The following AADACL4 variants were observed in gnomAD, a reference collection of about 807,000 sequenced individuals.
AADACL4 encodes the protein arylacetamide deacetylase like 4.
AADACL4 carries 9 observed loss-of-function variants against 14.1 expected under a neutral mutation model. That is an observed-to-expected ratio of 0.64 (90% CI 0.39 to 1.12). AADACL4 has a LOEUF of 1.12. Among genes scored for constraint, AADACL4 ranks in the 50% most tolerant of loss-of-function variants. The probability of loss-of-function intolerance (pLI) is 0.01; values close to 1 mark genes in which losing one functional copy is unlikely to be tolerated. For synonymous variants in AADACL4, 188 were observed against 201.6 expected (o/e 0.93, Z 0.57); for missense variants, 531 against 516.1 (o/e 1.03, Z -0.28).
intron 2 of AADACL4, among the ~76,000 whole-genome samples, chr1:12,658,104 T>TTCCTTCC (rs1647195059): frequency 1.1e-3 from 98 of 90,438 alleles, no homozygotes; most frequent in African/African-American, 5.1e-3. Flanking sequence ...TCTTTCTCTC[T>TTCCTTCC]TTCTTTCCTT....
chr1:12,657,685 T>C (rs1167218411), intron 2 of AADACL4, among the ~76,000 whole-genome samples: 1 of 152,138 alleles, frequency 6.6e-6, no homozygotes, highest in Non-Finnish European at 1.5e-5. Flanking sequence ...TTCATGAAAA[T>C]TCCTGGAAAA....
chr1:12,658,778 G>A (rs536123929), intron 2 of AADACL4, among the ~76,000 whole-genome samples: 1 of 147,462 alleles, frequency 6.8e-6, no homozygotes, highest in African/African-American at 2.5e-5. Flanking sequence ...ATGCTGCCCT[G>A]CCCTGCACCC....
Position 12,651,241 on chromosome 1 carries a change from C to T in AADACL4, c.287C>T (p.Thr96Met), listed in dbSNP as rs367808836. Residue 96 changes from threonine to methionine, a missense_variant, in exon 2 of 4, where the codon ACG becomes ATG. Transcript: ENST00000376221. ...ELVVTDLRFGTIPVRLFQPKA... is the reference protein window; with the variant it reads ...ELVVTDLRFGMIPVRLFQPKA... The stretch of plus-strand genomic sequence containing the variant: ...GTGGTGACCGACCTGCGTTTTGGGA[C>T]GATACCCGTGAGGCTGTTCCAGCCG... 109 of 1,614,090 alleles carry T rather than the reference C, an allele frequency of 6.8e-5. No homozygotes were observed. Among genetic ancestry groups the T allele is most frequent in the South Asian group, 2.2e-4 (20 of 91,090 alleles).
At chr1:12,646,966 C>G (rs1647115580) in intron 1 of AADACL4, among the ~76,000 whole-genome samples, 1 of 152,150 alleles carries the variant, frequency 6.6e-6, no homozygotes, top group African/African-American at 2.4e-5. Flanking sequence ...TAAAAAGAGT[C>G]TATGGCCAGG....
At chr1:12,663,443 G>A (rs186684958) in intron 3 of AADACL4, among the ~76,000 whole-genome samples, 7 of 152,184 alleles carry the variant, frequency 4.6e-5, no homozygotes, top group African/African-American at 1.7e-4. Context: ...GCTCTCTAAT[G>A]CCTCCTTCAT....
Position 12,666,451 on chromosome 1 carries a change from G to A in AADACL4, c.940G>A (p.Glu314Lys). The A allele has an allele frequency of 6.2e-7, 1 of 1,614,184 alleles. No individual in the cohort carries two copies. Among genetic ancestry groups the A allele is most frequent in the Non-Finnish European group, 8.5e-7 (1 of 1,180,038 alleles). Reference sequence around the variant, plus strand: ...CCCTTTTAATGAAGCTGCCTATCTAGAAGCCAAACATATGCTGGATGTAGA... The same window carrying A: ...CCCTTTTAATGAAGCTGCCTATCTAAAAGCCAAACATATGCTGGATGTAGA... ...PGPFNEAAYLEAKHMLDVENS... is the reference protein window; with the variant it reads ...PGPFNEAAYLKAKHMLDVENS... The change falls in exon 4 of 4, where the codon GAA becomes AAA. Residue 314 changes from glutamate (E) to lysine (K), a missense_variant. Transcript: ENST00000376221.
At chr1:12,652,770 G>A (rs1285836095) in intron 2 of AADACL4, among the ~76,000 whole-genome samples, 2 of 152,174 alleles carry the variant, frequency 1.3e-5, no homozygotes, top group Non-Finnish European at 2.9e-5. Context: ...TCCTGTCGCT[G>A]GTGGGTGTGT....
At chr1:12,647,162 C>T (rs1050088544) in intron 1 of AADACL4, among the ~76,000 whole-genome samples, 22 of 150,610 alleles carry the variant, frequency 1.5e-4, no homozygotes, top group African/African-American at 4.7e-4. Flanking sequence ...GGCGTGAACA[C>T]GGCTCACTGC....
chr1:12,646,897 T>G (rs1281666803), intron 1 of AADACL4, among the ~76,000 whole-genome samples: 1 of 152,022 alleles, frequency 6.6e-6, no homozygotes, highest in Non-Finnish European at 1.5e-5. Flanking sequence ...GTTCATTCGG[T>G]TCCAGAGGAC....
At chr1:12,651,029 G>A (rs1195417807) in intron 1 of AADACL4, 94 bp from the exon 2 acceptor site, 3 of 1,275,920 alleles carry the variant, frequency 2.4e-6, no homozygotes, top group African/African-American at 1.5e-5. Flanking sequence ...GTGAGAAACT[G>A]TGAAAACATC....
In AADACL4 at chr1:12,666,566, A is replaced by G. The variant is rs1055414329; in HGVS notation, c.1055A>G (p.Asp352Gly). The G allele has an allele frequency of 4.3e-6, 7 of 1,614,232 alleles. No homozygotes were observed. The highest frequency in any genetic ancestry group is 5.1e-6 in the Non-Finnish European group (6 of 1,180,046). Residue 352 changes from aspartate to glycine, a missense_variant, in exon 4 of 4, where the codon GAC (aspartate) becomes GGC (glycine). Transcript: ENST00000376221. ...TGTGAGAATGACATACTCCGTGATG[A>G]CAGCTTGCTCTATAAGAAGCGCTTG... ...VSCENDILRDDSLLYKKRLED... is the reference protein window; with the variant it reads ...VSCENDILRDGSLLYKKRLED...
intron 2 of AADACL4, among the ~76,000 whole-genome samples, chr1:12,654,941 G>A (rs145107477): frequency 7.3e-4 from 111 of 152,188 alleles, no homozygotes; most frequent in African/African-American, 2.6e-3. Flanking sequence ...TACGAGTCTC[G>A]CTGGCTGGTC....
intron 2 of AADACL4, among the ~76,000 whole-genome samples, chr1:12,653,504 C>T (rs1255145398): frequency 6.6e-6 from 1 of 152,192 alleles, no homozygotes; most frequent in Admixed American, 6.5e-5. Context: ...AAACTTTGAA[C>T]ATGCAGTTCA....
rs537267886 is a variant in AADACL4 at position 12,666,452 on chromosome 1, A to G, written c.941A>G (p.Glu314Gly). 3.1e-6 allele frequency: 5 copies of G among 1,614,160 alleles called. No homozygotes were observed. The South Asian group carries it at 4.4e-5, about 14-fold the overall frequency. Reference sequence around the variant, plus strand: ...CCTTTTAATGAAGCTGCCTATCTAGAAGCCAAACATATGCTGGATGTAGAA... The same window carrying G: ...CCTTTTAATGAAGCTGCCTATCTAGGAGCCAAACATATGCTGGATGTAGAA... ...PGPFNEAAYL[E>G]AKHMLDVENS... The change falls in exon 4 of 4, where the codon GAA (glutamate) becomes GGA (glycine). Residue 314 changes from glutamate to glycine, a missense_variant. Transcript: ENST00000376221.
At chr1:12,658,135 CCTTCCTTTCTTT>C (rs1246719390) in intron 2 of AADACL4, among the ~76,000 whole-genome samples, 2 of 87,376 alleles carry the variant, frequency 2.3e-5, no homozygotes, top group Non-Finnish European at 4.2e-5. Context: ...TTCCTTCCTT[CCTTCCTTTCTTT>C]CTTTCTTTCT....
chr1:12,666,970 A>G lies in AADACL4; in HGVS notation c.*235A>G. 2.1e-6 allele frequency: 1 copy of G among 484,058 alleles called. No individual in the cohort carries two copies. The allele number at this position is 484,058 out of a possible 1,614,324, so 30.0% of individuals were successfully genotyped here. On this transcript the variant is annotated 3_prime_UTR_variant, in exon 4 of 4. Transcript: ENST00000376221. ...GCTGGATCTAGCGACATTCTCTAAC[A>G]TTCCCATTTAGGTGAAATAAATATC...
intron 1 of AADACL4, among the ~76,000 whole-genome samples, chr1:12,646,423 G>T (rs1424593978): frequency 1.3e-5 from 2 of 152,212 alleles, no homozygotes; most frequent in African/African-American, 4.8e-5. Flanking sequence ...TTTTCTAAAA[G>T]ATCACTTTTA....
At chr1:12,648,461 A>T (rs1023543607) in intron 1 of AADACL4, among the ~76,000 whole-genome samples, 1 of 148,838 alleles carries the variant, frequency 6.7e-6, no homozygotes, top group Non-Finnish European at 1.5e-5. Flanking sequence ...CAGTGGCATG[A>T]TCTTGGCTCA....
At chr1:12,645,086 C>T (rs542301361) in intron 1 of AADACL4, among the ~76,000 whole-genome samples, 5 of 147,122 alleles carry the variant, frequency 3.4e-5, no homozygotes, top group African/African-American at 1.3e-4. Flanking sequence ...TCCTTCTCCG[C>T]TCCTTTCCTT....
Sources: gnomAD v4.1 joint callset for allele counts (sites outside exome capture counted in the v4.1 genomes callset) on GRCh38, gnomAD v4.1.1 for gene constraint, MANE v1.5 for transcripts, NCBI Gene and HGNC (gene_info 2026-07-23, HGNC 2026-07-21) for gene names.